PTPRD: variants seen among roughly 807,000 people sequenced by gnomAD.
The protein encoded by PTPRD is protein tyrosine phosphatase receptor type D.
Under a neutral mutation model 214.5 loss-of-function variants are expected in PTPRD, and 34 were observed. That is an observed-to-expected ratio of 0.16 (90% confidence interval 0.12 to 0.21). The LOEUF (loss-of-function observed/expected upper bound fraction) is 0.21, where lower values mean the gene tolerates loss of function less well. Among genes scored for constraint, PTPRD ranks in the 10% least tolerant of loss-of-function variants. The pLI is 1.00. For missense variants in PTPRD, 2,545 were observed against 2,398.7 expected (o/e 1.06, Z -1.27); for synonymous variants, 1,128 against 845.7 (o/e 1.33, Z -5.79).
intron 5 of PTPRD, among the ~76,000 whole-genome samples, chr9:9,898,554 C>G (rs1313677442): frequency 6.6e-6 from 1 of 152,004 alleles, no homozygotes; most frequent in East Asian, 1.9e-4. Context: ...GATGCGCATG[C>G]TATTTCAATT....
chr9:10,455,041 C>T (rs575602191), intron 2 of PTPRD, among the ~76,000 whole-genome samples: 5 of 151,654 alleles, frequency 3.3e-5, no homozygotes, highest in Non-Finnish European at 7.4e-5. Context: ...TTAAAAATGT[C>T]CTATTCCATA....
intron 9 of PTPRD, among the ~76,000 whole-genome samples, chr9:9,369,570 C>T (rs2058867921): frequency 6.6e-6 from 1 of 152,146 alleles, no homozygotes; most frequent in African/African-American, 2.4e-5. Flanking sequence ...TGCCTGTTCA[C>T]TCTGATGATA....
intron 6 of PTPRD, among the ~76,000 whole-genome samples, chr9:9,735,195 C>T (rs747435749): frequency 3.3e-5 from 5 of 152,044 alleles, no homozygotes; most frequent in Non-Finnish European, 7.4e-5. Context: ...CCAGCACCTG[C>T]CATGGGATGC....
Position 8,317,826 on chromosome 9 carries a change from T to C in PTPRD, c.*48A>G. 1 of 1,558,000 alleles carries C rather than the reference T, an allele frequency of 6.4e-7. No individual in the cohort carries two copies. The highest frequency in any genetic ancestry group is 8.9e-7 in the Non-Finnish European group (1 of 1,129,884). ...CCTGTATGGCTCAGAAGAGACTCCA[T>C]GGATATTGAAGGGCCTGTAGTAAAA... is the stretch of plus-strand genomic sequence containing the variant. On this transcript the variant is annotated 3_prime_UTR_variant, in exon 46 of 46. Transcript: ENST00000381196.
At chr9:8,783,471 C>G (rs1048510308) in intron 11 of PTPRD, among the ~76,000 whole-genome samples, 14 of 152,128 alleles carry the variant, frequency 9.2e-5, no homozygotes, top group African/African-American at 3.4e-4. Flanking sequence ...ATTTTATCCC[C>G]AAGTGATTCT....
chr9:9,363,105 T>G (rs2056758067), intron 9 of PTPRD, among the ~76,000 whole-genome samples: 1 of 106,344 alleles, frequency 9.4e-6, no homozygotes, highest in African/African-American at 3.7e-5. Flanking sequence ...TCAGTACTAT[T>G]TTGTGCTTTT....
chr9:10,392,535 T>A (rs1195136152), intron 2 of PTPRD, among the ~76,000 whole-genome samples: 1 of 151,886 alleles, frequency 6.6e-6, no homozygotes, highest in Non-Finnish European at 1.5e-5. Flanking sequence ...CTCTGCCTTT[T>A]ACACAGTGCA....
chr9:10,106,906 G>C (rs183002790), intron 3 of PTPRD, among the ~76,000 whole-genome samples: 1 of 151,990 alleles, frequency 6.6e-6, no homozygotes, highest in Non-Finnish European at 1.5e-5. Flanking sequence ...GTTTGGAATT[G>C]ATGCCATAAG....
intron 9 of PTPRD, among the ~76,000 whole-genome samples, chr9:9,390,574 AT>A (rs1460573382): frequency 2.0e-5 from 3 of 152,176 alleles, no homozygotes; most frequent in Non-Finnish European, 4.4e-5. Flanking sequence ...AAAATGTGTT[AT>A]TATTGTTATT....
At chr9:8,482,795 G>A (rs1156405481) in intron 30 of PTPRD, among the ~76,000 whole-genome samples, 3 of 152,130 alleles carry the variant, frequency 2.0e-5, no homozygotes, top group African/African-American at 4.8e-5. Context: ...GGATCCAGCC[G>A]TATGGCACCA....
chr9:9,714,416 GTTT>G lies in PTPRD; in HGVS notation c.-287+20114_-287+20116del, dbSNP rs1327951114. On this transcript the variant is annotated intron_variant, in intron 7 of 45. Coordinates refer to ENST00000381196, the MANE Select transcript of PTPRD (RefSeq NM_002839.4). The stretch of plus-strand genomic sequence containing the variant: ...TGGCAAATGTGAAACCATTTTAAAA[GTTT>G]TTATTATTGGCATGGAACATATTTT... Among the ~76,000 whole-genome samples, 16 of 152,252 alleles carry G rather than the reference GTTT, an allele frequency of 1.1e-4. No individual in the cohort carries two copies. The East Asian group carries it at 3.1e-3, about 29-fold the overall frequency.
At chr9:9,332,699 C>T (rs923607138) in intron 9 of PTPRD, among the ~76,000 whole-genome samples, 1 of 151,402 alleles carries the variant, frequency 6.6e-6, no homozygotes, top group Non-Finnish European at 1.5e-5. Flanking sequence ...GTAATTGGTT[C>T]ACAGCTGTGC....
At chr9:9,374,465 G>A (rs558870704) in intron 9 of PTPRD, among the ~76,000 whole-genome samples, 72 of 152,132 alleles carry the variant, frequency 4.7e-4, no homozygotes, top group Middle Eastern at 6.8e-3. Context: ...GAAAATAAAA[G>A]CAGTTTTAAC....
chr9:8,785,445 A>G (rs1008694185), intron 11 of PTPRD, among the ~76,000 whole-genome samples: 7 of 152,216 alleles, frequency 4.6e-5, no homozygotes, highest in Non-Finnish European at 8.8e-5. Context: ...CCAAACCACA[A>G]TACAAAATCC....
At chr9:9,990,151 C>A (rs576991663) in intron 4 of PTPRD, among the ~76,000 whole-genome samples, 6 of 152,170 alleles carry the variant, frequency 3.9e-5, no homozygotes, top group South Asian at 2.1e-4. Context: ...TTCAGTTTCC[C>A]TTCACAGAGG....
chr9:9,537,546 A>G (rs1343970131), intron 8 of PTPRD, among the ~76,000 whole-genome samples: 4 of 151,966 alleles, frequency 2.6e-5, no homozygotes, highest in African/African-American at 9.7e-5. Flanking sequence ...TCAAATACAA[A>G]TCTATCACAC....
At chr9:10,278,931 C>G (rs753520892) in intron 3 of PTPRD, among the ~76,000 whole-genome samples, 2 of 151,948 alleles carry the variant, frequency 1.3e-5, no homozygotes, top group African/African-American at 2.4e-5. Flanking sequence ...CACACCACCA[C>G]GCCAGGCTAA....
At chr9:9,365,582 G>A (rs879870162) in intron 9 of PTPRD, among the ~76,000 whole-genome samples, 1 of 151,358 alleles carries the variant, frequency 6.6e-6, no homozygotes, top group African/African-American at 2.4e-5. Flanking sequence ...ACAACTAAAT[G>A]GACAGCTGTT....
chr9:10,016,218 T>C (rs2096708938), intron 4 of PTPRD, among the ~76,000 whole-genome samples: 1 of 152,218 alleles, frequency 6.6e-6, no homozygotes, highest in African/African-American at 2.4e-5. Context: ...AAAATGCTTG[T>C]TTTTAAAAAT....
Sources: gnomAD v4.1 joint callset for allele counts (sites outside exome capture counted in the v4.1 genomes callset) on GRCh38, gnomAD v4.1.1 for gene constraint, MANE v1.5 for transcripts, NCBI Gene and HGNC (gene_info 2026-07-23, HGNC 2026-07-21) for gene names.